Variants in GAREM1 observed in about 807,000 individuals in gnomAD.
GAREM1 encodes the protein GRB2 associated regulator of MAPK1 subtype 1.
GAREM1 carries 26 observed loss-of-function variants against 71.3 expected under a neutral mutation model. The observed-to-expected ratio is 0.36, with a 90% CI of 0.27 to 0.51. The LOEUF (loss-of-function observed/expected upper bound fraction) is 0.51. Among genes scored for constraint, GAREM1 ranks in the 20% least tolerant of loss-of-function variants. The probability of loss-of-function intolerance (pLI) is 0.95; values close to 1 mark genes in which losing one functional copy is unlikely to be tolerated. For synonymous variants in GAREM1, 440 were observed against 433.2 expected (o/e 1.02, Z -0.20); for missense variants, 1,026 against 1,103.1 (o/e 0.93, Z 0.99).
At chr18:32,322,335 C>T (rs1315370065) in intron 2 of GAREM1, among the ~76,000 whole-genome samples, 1 of 152,156 alleles carries the variant, frequency 6.6e-6, no homozygotes, top group Non-Finnish European at 1.5e-5. Context: ...CAAGATCTGG[C>T]TCTCACTTTC....
intron 3 of GAREM1, among the ~76,000 whole-genome samples, chr18:32,302,158 G>A (rs912972166): frequency 6.6e-6 from 1 of 152,188 alleles, no homozygotes; most frequent in African/African-American, 2.4e-5. Flanking sequence ...AGAGGTGACT[G>A]GATTGTATTA....
At chr18:32,469,000 T>C in intron 1 of GAREM1, among the ~76,000 whole-genome samples, 2 of 73,994 alleles carry the variant, frequency 2.7e-5, no homozygotes, top group South Asian at 9.3e-4. Context: ...CAACAGCTAC[T>C]GTGATCTGCA....
intron 2 of GAREM1, among the ~76,000 whole-genome samples, chr18:32,314,234 C>G (rs566369722): frequency 6.6e-6 from 1 of 152,104 alleles, no homozygotes; most frequent in East Asian, 1.9e-4. Context: ...AGTTTTATAC[C>G]GTGCCCTTGC....
chr18:32,405,293 G>C lies in GAREM1; in HGVS notation c.122-12258C>G, dbSNP rs1009693587. ...GGCTCATTGCAACCTCCGCCTCCCG[G>C]GTTCAAGTGATTCGCCTGCCTCAGC... On this transcript the variant is annotated intron_variant, in intron 1 of 5. Transcript: ENST00000269209. Among the ~76,000 whole-genome samples the C allele has an allele frequency of 1.8e-4, 27 of 152,098 alleles. No homozygotes were observed. The East Asian group carries it at 4.6e-3, about 26-fold the overall frequency.
intron 1 of GAREM1, among the ~76,000 whole-genome samples, chr18:32,414,757 A>G (rs760928348): frequency 1.3e-5 from 2 of 152,142 alleles, no homozygotes; most frequent in African/African-American, 4.8e-5. Flanking sequence ...AAATGCCTAT[A>G]TCAAAAAGGA....
chr18:32,379,062 C>T (rs988912607), intron 2 of GAREM1, among the ~76,000 whole-genome samples: 1 of 152,138 alleles, frequency 6.6e-6, no homozygotes, highest in African/African-American at 2.4e-5. Flanking sequence ...ATCTCAACTT[C>T]ACCACCTGTA....
At chr18:32,335,497 G>T (rs1281476081) in intron 2 of GAREM1, among the ~76,000 whole-genome samples, 2 of 152,142 alleles carry the variant, frequency 1.3e-5, no homozygotes, top group Non-Finnish European at 2.9e-5. Flanking sequence ...CACCATGGGA[G>T]AATATTTCTG....
At chr18:32,382,825 T>TAATA (rs2048110453) in intron 2 of GAREM1, among the ~76,000 whole-genome samples, 1 of 152,092 alleles carries the variant, frequency 6.6e-6, no homozygotes, top group Admixed American at 6.5e-5. Flanking sequence ...AATTACTCTG[T>TAATA]GGGTCAGGAG....
At chr18:32,422,035 A>C (rs2048523963) in intron 1 of GAREM1, among the ~76,000 whole-genome samples, 1 of 152,028 alleles carries the variant, frequency 6.6e-6, no homozygotes, top group South Asian at 2.1e-4. Context: ...CATGTGCACA[A>C]CATGCAGGTT....
intron 2 of GAREM1, among the ~76,000 whole-genome samples, chr18:32,344,905 C>CA (rs976376922): frequency 2.6e-5 from 4 of 151,732 alleles, no homozygotes; most frequent in South Asian, 2.1e-4. Context: ...ACTAAAAATA[C>CA]AAAAAAATTA....
At chr18:32,433,651 TTC>T (rs1203432140) in intron 1 of GAREM1, among the ~76,000 whole-genome samples, 6 of 152,080 alleles carry the variant, frequency 3.9e-5, no homozygotes, top group Non-Finnish European at 4.4e-5. Flanking sequence ...TCAGTCACAT[TTC>T]TCTATCTTAG....
intron 2 of GAREM1, among the ~76,000 whole-genome samples, chr18:32,318,181 AATTTATGGTAAT>A (rs2047398265): frequency 6.6e-6 from 1 of 152,198 alleles, no homozygotes. Context: ...GGTTTAAATA[AATTTATGGTAAT>A]ATTTAAAAAG....
chr18:32,383,129 A>T (rs1382094202), intron 2 of GAREM1, among the ~76,000 whole-genome samples: 3 of 152,186 alleles, frequency 2.0e-5, no homozygotes, highest in Admixed American at 6.5e-5. Context: ...ACTATTAGGG[A>T]CAAACCCTAC....
chr18:32,301,792 G>GA (rs1247013317), intron 3 of GAREM1, among the ~76,000 whole-genome samples: 1 of 152,150 alleles, frequency 6.6e-6, no homozygotes, highest in Admixed American at 6.5e-5. Flanking sequence ...TTGTTCACTG[G>GA]AAGAGTCTTT....
intron 2 of GAREM1, among the ~76,000 whole-genome samples, chr18:32,323,832 C>T (rs1185957601): frequency 1.3e-5 from 2 of 151,368 alleles, no homozygotes; most frequent in East Asian, 1.9e-4. Context: ...TTAAGAGCAG[C>T]AAAAATTAAA....
intron 2 of GAREM1, among the ~76,000 whole-genome samples, chr18:32,387,144 T>G (rs2048155565): frequency 6.6e-6 from 1 of 152,040 alleles, no homozygotes; most frequent in Non-Finnish European, 1.5e-5. Flanking sequence ...GGGATCTGCT[T>G]GACTGGTCAT....
chr18:32,420,917 C>T (rs1269070968), intron 1 of GAREM1, among the ~76,000 whole-genome samples: 1 of 152,170 alleles, frequency 6.6e-6, no homozygotes, highest in Non-Finnish European at 1.5e-5. Context: ...ACTTATGCAG[C>T]AGCTGGAGTT....
chr18:32,421,960 C>T (rs1198187339), intron 1 of GAREM1, among the ~76,000 whole-genome samples: 4 of 152,086 alleles, frequency 2.6e-5, no homozygotes, highest in African/African-American at 9.7e-5. Flanking sequence ...ACACACTTCC[C>T]TCTGCCTAAA....
intron 2 of GAREM1, among the ~76,000 whole-genome samples, chr18:32,356,867 A>G (rs1056857672): frequency 2.0e-5 from 3 of 152,188 alleles, no homozygotes; most frequent in African/African-American, 7.2e-5. Flanking sequence ...CCAGGACTTC[A>G]AGTTCTGCTG....
Sources: gnomAD v4.1 joint callset for allele counts (sites outside exome capture counted in the v4.1 genomes callset) on GRCh38, gnomAD v4.1.1 for gene constraint, MANE v1.5 for transcripts, NCBI Gene and HGNC (gene_info 2026-07-23, HGNC 2026-07-21) for gene names.